TXNDC15: variants seen among roughly 807,000 people sequenced by gnomAD.
The protein encoded by TXNDC15 is thioredoxin domain-containing protein 15.
A neutral mutation model predicts 35.0 loss-of-function variants in TXNDC15; 24 were observed. The ratio of observed to expected loss-of-function variants is 0.68; its 90% CI spans 0.50 to 0.96. TXNDC15 has a LOEUF of 0.96. Among genes scored for constraint, TXNDC15 ranks in the 40% least tolerant of loss-of-function variants. The probability of loss-of-function intolerance (pLI) is 0.00; values close to 1 mark genes in which losing one functional copy is unlikely to be tolerated. For synonymous variants in TXNDC15, 169 were observed against 174.0 expected (o/e 0.97, Z 0.23); for missense variants, 385 against 453.3 (o/e 0.85, Z 1.37).
chr5:134,896,431 G>C lies in TXNDC15; in HGVS notation c.886+7G>C, dbSNP rs1343061731. 2.5e-6 allele frequency: 4 copies of C among 1,613,014 alleles called. No individual in the cohort carries two copies. The highest frequency in any genetic ancestry group is 3.4e-6 in the Non-Finnish European group (4 of 1,179,636). On this transcript the variant is annotated splice_region_variant and intron_variant, in intron 4 of 4. Coordinates refer to ENST00000358387, the MANE Select transcript of TXNDC15 (RefSeq NM_024715.4). ...TTCATTTTTAATCAGACAGGTATGT[G>C]GAAGTAATGTGCTGAGGAAGAAGAT...
intron 1 of TXNDC15, among the ~76,000 whole-genome samples, chr5:134,876,783 C>T (rs1242039395): frequency 1.4e-5 from 2 of 147,368 alleles, no homozygotes; most frequent in East Asian, 2.0e-4. Context: ...ATTATGCTGG[C>T]CTCAGGTGCT....
chr5:134,889,275 A>G (rs1045740117), intron 2 of TXNDC15, among the ~76,000 whole-genome samples: 1 of 152,082 alleles, frequency 6.6e-6, no homozygotes, highest in African/African-American at 2.4e-5. Flanking sequence ...CCCAGGCTGG[A>G]GTGCAATGGG....
chr5:134,897,441 G>T (rs997454444), intron 4 of TXNDC15, among the ~76,000 whole-genome samples: 7 of 151,894 alleles, frequency 4.6e-5, no homozygotes, highest in African/African-American at 1.5e-4. Flanking sequence ...TAGAGACAGG[G>T]TTTCGCCCTG....
chr5:134,884,393 C>T (rs1163969278), intron 1 of TXNDC15, among the ~76,000 whole-genome samples: 1 of 150,236 alleles, frequency 6.7e-6, no homozygotes, highest in Non-Finnish European at 1.5e-5. Context: ...GGATTACAAG[C>T]ATGCGCCACC....
intron 2 of TXNDC15, among the ~76,000 whole-genome samples, chr5:134,889,755 C>T (rs556823008): frequency 6.6e-6 from 1 of 152,098 alleles, no homozygotes; most frequent in African/African-American, 2.4e-5. Flanking sequence ...GGTTCCAGAC[C>T]ACTGTGATAA....
chr5:134,874,269 C>A (rs1164327253), upstream of TXNDC15: 5 of 592,688 alleles, frequency 8.4e-6, no homozygotes, highest in African/African-American at 8.0e-5. Context: ...CGGCTAGAGG[C>A]CGTCCGCCCG....
intron 3 of TXNDC15, among the ~76,000 whole-genome samples, chr5:134,895,407 G>A: frequency 6.6e-6 from 1 of 152,166 alleles, no homozygotes; most frequent in East Asian, 1.9e-4. Context: ...GGCATACTCA[G>A]TGCTCTTTGG....
At chr5:134,878,991 T>A (rs945005141) in intron 1 of TXNDC15, among the ~76,000 whole-genome samples, 1 of 152,190 alleles carries the variant, frequency 6.6e-6, no homozygotes, top group Non-Finnish European at 1.5e-5. Flanking sequence ...AGAGCAAGAC[T>A]CTGTCTCAAA....
At chr5:134,890,365 T>TTCTTTTC (rs1169550600) in intron 2 of TXNDC15, among the ~76,000 whole-genome samples, 6 of 151,558 alleles carry the variant, frequency 4.0e-5, no homozygotes, top group Admixed American at 6.6e-5. Flanking sequence ...TTCTTTTCTT[T>TTCTTTTC]TCTTTTCTCT....
intron 1 of TXNDC15, among the ~76,000 whole-genome samples, chr5:134,886,845 A>C (rs1325354819): frequency 1.3e-5 from 2 of 152,192 alleles, no homozygotes; most frequent in African/African-American, 4.8e-5. Flanking sequence ...GCTGCTTACT[A>C]TCTGTGTACC....
intron 3 of TXNDC15, chr5:134,896,051 C>T: frequency 2.9e-6 from 1 of 346,782 alleles, no homozygotes; most frequent in Non-Finnish European, 5.2e-6. Flanking sequence ...ATAATTGTGC[C>T]ATTGGTAGAT....
At position 134,874,441 on chromosome 5, in the gene TXNDC15, C is replaced by A; in HGVS notation, c.14C>A (p.Ala5Asp). The A allele has an allele frequency of 1.2e-6, 2 of 1,601,170 alleles. No homozygotes were observed. Among genetic ancestry groups the A allele is most frequent in the South Asian group, 2.2e-5 (2 of 90,320 alleles). MVPA[A>D]GRRPPRVMRL... The stretch of plus-strand genomic sequence containing the variant: ...TCGGCCTGGGCAATGGTCCCGGCTG[C>A]CGGTCGACGACCGCCCCGCGTCATG... Residue 5 changes from alanine (A) to aspartate (D), a missense_variant, in exon 1 of 5, where the codon GCC (alanine) becomes GAC (aspartate). By Grantham distance (126) the Ala-to-Asp change is moderately radical (BLOSUM62 -2). Coordinates refer to ENST00000358387, the MANE Select transcript of TXNDC15 (RefSeq NM_024715.4).
At chr5:134,895,628 A>G (rs1388949660) in intron 3 of TXNDC15, among the ~76,000 whole-genome samples, 2 of 152,202 alleles carry the variant, frequency 1.3e-5, no homozygotes, top group African/African-American at 4.8e-5. Context: ...ATACACTATT[A>G]CTATTTTACT....
In TXNDC15 at chr5:134,874,432, T is replaced by A; in HGVS notation, c.5T>A (p.Val2Asp). Reference sequence around the variant, plus strand: ...GATTGCCTCTCGGCCTGGGCAATGGTCCCGGCTGCCGGTCGACGACCGCCC... The same window carrying A: ...GATTGCCTCTCGGCCTGGGCAATGGACCCGGCTGCCGGTCGACGACCGCCC... Reference protein sequence around the residue: MVPAAGRRPPRV... With the variant: MDPAAGRRPPRV... The change falls in exon 1 of 5, where the codon GTC (valine) becomes GAC (aspartate). Residue 2 changes from valine to aspartate, a missense_variant. By Grantham distance (152) the Val-to-Asp change is radical (BLOSUM62 -3). Transcript: ENST00000358387. 2 of 1,599,520 alleles carry A rather than the reference T, an allele frequency of 1.3e-6. No individual in the cohort carries two copies. The highest frequency in any genetic ancestry group is 1.7e-6 in the Non-Finnish European group (2 of 1,176,324).
rs2150189530 is a variant in TXNDC15, at chr5:134,893,408, C to T, written c.592-84C>T. ...TACCCACCCGTTCCTCTCCCTGGAG[C>T]AGCAGTGTGTCCTGTTTCTTGGGTA... is the stretch of plus-strand genomic sequence containing the variant. On this transcript the variant is annotated intron_variant, in intron 2 of 4. Transcript: ENST00000358387. 2.6e-6 allele frequency: 4 copies of T among 1,531,912 alleles called. No individual in the cohort carries two copies. In the South Asian group the frequency reaches 3.5e-5, roughly 13 times the overall value. 94.9% of individuals were successfully genotyped at this position (1,531,912 alleles called of 1,614,324 possible). A position where few individuals can be genotyped will look rare whatever the true frequency, so the allele number is the denominator to read the frequency against.
At chr5:134,896,869 T>G (rs529313169) in intron 4 of TXNDC15, among the ~76,000 whole-genome samples, 1 of 152,092 alleles carries the variant, frequency 6.6e-6, no homozygotes, top group Non-Finnish European at 1.5e-5. Context: ...GGTCTCGATC[T>G]CCTGACCTCG....
chr5:134,878,765 G>A (rs1377206212), intron 1 of TXNDC15, among the ~76,000 whole-genome samples: 1 of 152,224 alleles, frequency 6.6e-6, no homozygotes, highest in Non-Finnish European at 1.5e-5. Context: ...CTGGGAGGCC[G>A]AGGTGGCTGG....
At chr5:134,893,256 T>G (rs548866472) in intron 2 of TXNDC15, 104 of 455,888 alleles carry the variant, frequency 2.3e-4, no homozygotes, top group South Asian at 2.1e-4. Flanking sequence ...ACTTTCTGCT[T>G]AATTCAGCAA....
At chr5:134,881,169 CT>C (rs1453261849) in intron 1 of TXNDC15, among the ~76,000 whole-genome samples, 1 of 77,914 alleles carries the variant, frequency 1.3e-5, no homozygotes, top group Admixed American at 1.3e-4. Context: ...TGGATAGGTT[CT>C]TTTTATTTAT....
Sources: gnomAD v4.1 joint callset for allele counts (sites outside exome capture counted in the v4.1 genomes callset) on GRCh38, gnomAD v4.1.1 for gene constraint, MANE v1.5 for transcripts, NCBI Gene and HGNC (gene_info 2026-07-23, HGNC 2026-07-21) for gene names.